The following ADD2 variants were observed in gnomAD, a reference collection of about 807,000 sequenced individuals.
The protein encoded by ADD2 is adducin 2.
Under a neutral mutation model 83.0 loss-of-function variants are expected in ADD2, and 23 were observed. That is an observed-to-expected ratio of 0.28 (90% CI 0.20 to 0.39). The LOEUF is 0.39. Ranked by LOEUF, ADD2 falls within the 10% of genes least tolerant of loss-of-function variation. The pLI is 1.00. For synonymous variants in ADD2, 375 were observed against 375.4 expected, an observed-to-expected ratio of 1.00 and a Z score of 0.01; for missense variants, 758 against 944.9, an observed-to-expected ratio of 0.80 and a Z score of 2.59.
At chr2:70,679,513 G>A (rs1292153036) in intron 10 of ADD2, among the ~76,000 whole-genome samples, 1 of 152,130 alleles carries the variant, frequency 6.6e-6, no homozygotes, top group Non-Finnish European at 1.5e-5. Context: ...TGTCTCCTAA[G>A]CAAGGCCACA....
intron 1 of ADD2, among the ~76,000 whole-genome samples, chr2:70,757,893 C>A (rs1423125027): frequency 6.6e-6 from 1 of 152,156 alleles, no homozygotes; most frequent in Non-Finnish European, 1.5e-5. Flanking sequence ...TTCATTTGTT[C>A]TTTGAGAAAA....
At chr2:70,687,587 C>T (rs1037492847) in intron 9 of ADD2, among the ~76,000 whole-genome samples, 10 of 120,466 alleles carry the variant, frequency 8.3e-5, no homozygotes, top group Non-Finnish European at 1.7e-4. Context: ...CCAACCCCCT[C>T]CCCTCAAAAC....
chr2:70,737,715 AAAGTAT>A (rs1673653643), intron 1 of ADD2, among the ~76,000 whole-genome samples: 1 of 152,168 alleles, frequency 6.6e-6, no homozygotes, highest in South Asian at 2.1e-4. Flanking sequence ...CCTAGAACTT[AAAGTAT>A]AATAAAAATA....
At chr2:70,718,697 T>C (rs1204834350) in intron 1 of ADD2, among the ~76,000 whole-genome samples, 1 of 152,144 alleles carries the variant, frequency 6.6e-6, no homozygotes, top group Non-Finnish European at 1.5e-5. Context: ...CATCCTGGTT[T>C]TTCGGGAGAG....
At chr2:70,688,205 T>C (rs1670843172) in intron 8 of ADD2, 83 bp from the exon 9 acceptor site, 4 of 1,148,660 alleles carry the variant, frequency 3.5e-6, no homozygotes, top group Non-Finnish European at 5.1e-6. Context: ...TTTATTTAGA[T>C]CAACTTCCAC....
intron 1 of ADD2, among the ~76,000 whole-genome samples, chr2:70,722,878 G>T (rs1553377620): frequency 6.6e-6 from 1 of 152,192 alleles, no homozygotes; most frequent in African/African-American, 2.4e-5. Flanking sequence ...TTGTTCTCCA[G>T]GGGGACATAG....
intron 1 of ADD2, among the ~76,000 whole-genome samples, chr2:70,742,522 T>A (rs1673970307): frequency 6.6e-6 from 1 of 152,114 alleles, no homozygotes; most frequent in Admixed American, 6.6e-5. Flanking sequence ...GAACAGGAAT[T>A]CTAAAAGAAA....
chr2:70,678,853 C>G lies in ADD2; in HGVS notation c.1234G>C (p.Asp412His). Residue 412 changes from aspartate (D) to histidine (H), a missense_variant, in exon 11 of 16, where the codon GAC becomes CAC. Physicochemically the swap from Asp to His is moderately conservative, Grantham distance 81 (BLOSUM62 -1). Around this residue, in one of 5 missense-constraint regions of ADD2, gnomAD observed 394 missense variants for 509.3 expected, o/e 0.77. Transcript: ENST00000264436. Reference protein sequence around the residue: ...ATVTAFVFEEDGAPVPALRQH... With the variant: ...ATVTAFVFEEHGAPVPALRQH... The stretch of plus-strand genomic sequence containing the variant: ...CGCAGGGCGGGCACCGGGGCACCGT[C>G]CTCCTCAAACACGAAGGCTGTGACC... The G allele has an allele frequency of 6.2e-7, 1 of 1,614,244 alleles. No homozygotes were observed. Among genetic ancestry groups the G allele is most frequent in the African/African-American group, 1.3e-5 (1 of 75,064 alleles).
chr2:70,748,611 G>C (rs1574319649), intron 1 of ADD2, among the ~76,000 whole-genome samples: 1 of 152,268 alleles, frequency 6.6e-6, no homozygotes, highest in Admixed American at 6.5e-5. Flanking sequence ...CCACAGAAGT[G>C]ATCACTGAAA....
rs2104326581 is a variant in ADD2 at position 70,692,500 on chromosome 2, G to A, written c.608C>T (p.Pro203Leu). The A allele has an allele frequency of 6.2e-7, 1 of 1,612,898 alleles. No individual in the cohort carries two copies. Among genetic ancestry groups the A allele is most frequent in the Non-Finnish European group, 8.5e-7 (1 of 1,179,640 alleles). ...CAGACAGAAGCCTGTGGTGTCCACT[G>A]GGAAGCAGCTGCTGCCCTTCTCCAC... ...EVVEKGSSCF[P>L]VDTTGFCLHS... The change falls in exon 7 of 16, where the codon CCA (proline) becomes CTA (leucine). Residue 203 changes from proline (P) to leucine (L), a missense_variant. By Grantham distance (98) the Pro-to-Leu change is moderately conservative. This residue lies in a region of ADD2 where 394 missense variants were observed against 509.3 expected (regional missense o/e 0.77). Transcript: ENST00000264436.
intron 9 of ADD2, among the ~76,000 whole-genome samples, chr2:70,684,156 G>A (rs782454855): frequency 6.6e-6 from 1 of 152,218 alleles, no homozygotes. Flanking sequence ...AAGATTTGAA[G>A]CCAGAGGTTA....
intron 3 of ADD2, among the ~76,000 whole-genome samples, chr2:70,704,943 A>G (rs1038333763): frequency 3.3e-5 from 5 of 152,154 alleles, no homozygotes; most frequent in Non-Finnish European, 5.9e-5. Context: ...TCCACTCCTG[A>G]TGTCCAACTC....
At chr2:70,666,134 A>G (rs779539108) in intron 15 of ADD2, among the ~76,000 whole-genome samples, 17 of 152,182 alleles carry the variant, frequency 1.1e-4, no homozygotes, top group South Asian at 2.1e-4. Context: ...TTTTATGCCT[A>G]TCTCCTCCCC....
intron 15 of ADD2, among the ~76,000 whole-genome samples, chr2:70,664,874 C>A (rs2104150973): frequency 6.6e-6 from 1 of 151,834 alleles, no homozygotes; most frequent in Admixed American, 6.6e-5. Flanking sequence ...CATGTGCGAA[C>A]CAGTGTGTGT....
At chr2:70,666,178 G>A (rs1017772015) in intron 15 of ADD2, among the ~76,000 whole-genome samples, 2 of 152,192 alleles carry the variant, frequency 1.3e-5, no homozygotes, top group Non-Finnish European at 2.9e-5. Flanking sequence ...GCAAAATTGT[G>A]TCTAATGACC....
In ADD2 at chr2:70,706,520, G is replaced by T. The variant is rs1671914728; in HGVS notation, c.-34-78C>A. On this transcript the variant is annotated intron_variant, in intron 2 of 15. Transcript: ENST00000264436. The surrounding 1 kb of genome is among the most constrained non-coding windows in gnomAD (Gnocchi z 5.0). ...ACACGTTTCTCAGAGCACAGGGCTA[G>T]GTTCAGTTGGATTCTCAGTGGGGTA... The T allele has an allele frequency of 9.9e-6, 13 of 1,315,640 alleles. No homozygotes were observed. The South Asian group carries it at 1.5e-4, about 15-fold the overall frequency. The allele number at this position is 1,315,640 out of a possible 1,614,324, so 81.5% of individuals were successfully genotyped here. A position where few individuals can be genotyped will look rare whatever the true frequency, so the allele number is the denominator to read the frequency against.
intron 1 of ADD2, among the ~76,000 whole-genome samples, chr2:70,716,049 T>TAG (rs1672449855): frequency 6.6e-6 from 1 of 152,198 alleles, no homozygotes; most frequent in East Asian, 1.9e-4. Context: ...AAAGCCCTGC[T>TAG]TTTCCAACCA....
intron 1 of ADD2, among the ~76,000 whole-genome samples, chr2:70,714,470 A>T (rs1574278945): frequency 6.6e-6 from 1 of 152,372 alleles, no homozygotes. Context: ...ACTAAGGCTC[A>T]GCCTCCTCCT....
chr2:70,727,616 C>G (rs1300452058), intron 1 of ADD2, among the ~76,000 whole-genome samples: 1 of 152,096 alleles, frequency 6.6e-6, no homozygotes, highest in East Asian at 1.9e-4. Flanking sequence ...CAGAATTGGC[C>G]AGGCGCGGTG....
Sources: gnomAD v4.1 joint callset for allele counts (sites outside exome capture counted in the v4.1 genomes callset) on GRCh38, gnomAD v4.1.1 for gene constraint, gnomAD v4.1.1 regional missense constraint, Gnocchi (gnomAD v3.1) non-coding constraint, MANE v1.5 for transcripts, NCBI Gene and HGNC (gene_info 2026-07-23, HGNC 2026-07-21) for gene names.